The following SYNPR variants were observed in gnomAD, a reference collection of about 807,000 sequenced individuals.
The protein encoded by SYNPR is synaptoporin.
Under a neutral mutation model 32.9 loss-of-function variants are expected in SYNPR, and 23 were observed. That is an observed-to-expected ratio of 0.70 (90% CI 0.50 to 0.99). The LOEUF (loss-of-function observed/expected upper bound fraction) is 0.99, where lower values mean the gene tolerates loss of function less well. SYNPR is among the 50% of genes least tolerant of loss of function. The pLI is 0.00. For synonymous variants in SYNPR, 146 were observed against 135.9 expected, an observed-to-expected ratio of 1.07 and a Z score of -0.52; for missense variants, 318 against 349.3, an observed-to-expected ratio of 0.91 and a Z score of 0.71.
At chr3:63,550,703 T>A (rs567108244) in intron 3 of SYNPR, among the ~76,000 whole-genome samples, 1 of 152,240 alleles carries the variant, frequency 6.6e-6, no homozygotes. Flanking sequence ...ATGCTGATCC[T>A]GGGGTGCAGC....
chr3:63,371,392 A>C (rs1213238222), intron 2 of SYNPR, among the ~76,000 whole-genome samples: 1 of 152,132 alleles, frequency 6.6e-6, no homozygotes, highest in African/African-American at 2.4e-5. Flanking sequence ...GCTCCCTTGC[A>C]CGTCTCCGGG....
At position 63,616,550 on chromosome 3, in the gene SYNPR, A is replaced by C. The variant is rs1700281148; in HGVS notation, c.*1069A>C. ...ATTAAAAATTCTCAAGTCACAGCTA[A>C]ACTTACTAATTCTGATTTTAGTGTA... On this transcript the variant is annotated 3_prime_UTR_variant, in exon 6 of 6. Transcript: ENST00000478300. 1 of 152,634 alleles carries C rather than the reference A, an allele frequency of 6.6e-6. No individual in the cohort carries two copies. Among genetic ancestry groups the C allele is most frequent in the Non-Finnish European group, 1.5e-5 (1 of 68,030 alleles). 9.5% of individuals were successfully genotyped at this position (152,634 alleles called of 1,614,324 possible).
intron 2 of SYNPR, among the ~76,000 whole-genome samples, chr3:63,472,061 G>A (rs1228142751): frequency 2.6e-5 from 4 of 152,206 alleles, no homozygotes; most frequent in East Asian, 1.9e-4. Flanking sequence ...GGCACAGTAC[G>A]TGAGCTACCA....
rs1394422934 is a variant in SYNPR at position 63,389,003 on chromosome 3, G to A, written c.85-91829G>A. On this transcript the variant is annotated intron_variant, in intron 2 of 5. Transcript: ENST00000478300. ...TTTGGACTCTGCATAAGGAGATTTA[G>A]AGTTTTGGCCACATCTGGATTTTAT... is the stretch of plus-strand genomic sequence containing the variant. Among the ~76,000 whole-genome samples, 3 of 152,140 alleles carry A rather than the reference G, an allele frequency of 2.0e-5. No homozygotes were observed. The East Asian group carries it at 5.8e-4, about 29-fold the overall frequency.
chr3:63,248,426 C>A (rs761228033), intron 1 of SYNPR, among the ~76,000 whole-genome samples: 4 of 152,008 alleles, frequency 2.6e-5, no homozygotes, highest in Admixed American at 2.6e-4. Context: ...TGCCTTCTAG[C>A]TGGAAGACAG....
intron 2 of SYNPR, among the ~76,000 whole-genome samples, chr3:63,306,832 G>T (rs2086914832): frequency 6.6e-6 from 1 of 151,928 alleles, no homozygotes; most frequent in Non-Finnish European, 1.5e-5. Context: ...CACATCCATT[G>T]GTCTAGGGAA....
chr3:63,336,457 A>G (rs1482460803), intron 2 of SYNPR, among the ~76,000 whole-genome samples: 1 of 145,196 alleles, frequency 6.9e-6, no homozygotes, highest in Non-Finnish European at 1.5e-5. Context: ...TCTCAATGCA[A>G]TCCAATGGAG....
At chr3:63,330,958 A>G (rs1198282329) in intron 2 of SYNPR, among the ~76,000 whole-genome samples, 1 of 152,196 alleles carries the variant, frequency 6.6e-6, no homozygotes, top group East Asian at 1.9e-4. Context: ...AAAAATTAAC[A>G]GTAAGAGAGA....
At position 63,588,693 on chromosome 3, in the gene SYNPR, A is replaced by T. The variant is rs141894685; in HGVS notation, c.409-20432A>T. Reference sequence around the variant, plus strand: ...TGGAAAGGATGCTATTTTCTATATGACATAGTAATTCATTTAGAAACACTC... The same window carrying T: ...TGGAAAGGATGCTATTTTCTATATGTCATAGTAATTCATTTAGAAACACTC... On this transcript the variant is annotated intron_variant, in intron 4 of 5. Coordinates refer to ENST00000478300, the MANE Select transcript of SYNPR (RefSeq NM_001130003.2). 2.2e-4 allele frequency among the ~76,000 whole-genome samples: 34 copies of T among 152,254 alleles called. No individual in the cohort carries two copies. The East Asian group carries it at 6.4e-3, about 29-fold the overall frequency.
chr3:63,343,206 C>A (rs2087390325), intron 2 of SYNPR, among the ~76,000 whole-genome samples: 1 of 152,186 alleles, frequency 6.6e-6, no homozygotes, highest in South Asian at 2.1e-4. Context: ...CCACGGGATG[C>A]AGTAGCTTTG....
At chr3:63,270,325 G>C (rs1274400273) in intron 3 of SYNPR, among the ~76,000 whole-genome samples, 2 of 152,084 alleles carry the variant, frequency 1.3e-5, no homozygotes, top group East Asian at 3.9e-4. Context: ...ATAGCTCTAA[G>C]ATAAAACAAG....
chr3:63,446,394 C>T (rs1255514084), intron 2 of SYNPR, among the ~76,000 whole-genome samples: 1 of 151,712 alleles, frequency 6.6e-6, no homozygotes, highest in Non-Finnish European at 1.5e-5. Flanking sequence ...AAAAGGAACA[C>T]AGCTGTCAAT....
At chr3:63,279,716 G>A (rs1223162306) in intron 2 of SYNPR, among the ~76,000 whole-genome samples, 1 of 152,242 alleles carries the variant, frequency 6.6e-6, no homozygotes. Flanking sequence ...AATTATGTAA[G>A]AGCCTGTTCT....
intron 2 of SYNPR, among the ~76,000 whole-genome samples, chr3:63,376,276 T>C (rs1289360653): frequency 6.6e-6 from 1 of 152,230 alleles, no homozygotes; most frequent in East Asian, 1.9e-4. Flanking sequence ...TCTACACATA[T>C]GCAAGAATGA....
rs911461839 is a variant in SYNPR, at chr3:63,242,627, A to G, written n.67-9872A>G. Among the ~76,000 whole-genome samples the G allele has an allele frequency of 2.6e-5, 4 of 152,022 alleles. No homozygotes were observed. In the East Asian group the frequency reaches 7.8e-4, roughly 29 times the overall value. ...CAAAGTCACCCAGTAGAGATACTTC[A>G]TATCTCCAAAACCCAGACTACACAC... On this transcript the variant is annotated intron_variant and non_coding_transcript_variant, in intron 1 of 4. Coordinates refer to the SYNPR transcript ENST00000478456.
chr3:63,545,027 G>GAAAAA (rs35822196), intron 3 of SYNPR, among the ~76,000 whole-genome samples: 1 of 146,650 alleles, frequency 6.8e-6, no homozygotes. Context: ...TGATTTAGGG[G>GAAAAA]AAAAAAAAAA....
At chr3:63,463,922 C>T (rs1195466310) in intron 2 of SYNPR, among the ~76,000 whole-genome samples, 4 of 152,084 alleles carry the variant, frequency 2.6e-5, no homozygotes, top group Non-Finnish European at 4.4e-5. Flanking sequence ...GATTCTGCTT[C>T]CTTTCACTTA....
upstream of SYNPR, among the ~76,000 whole-genome samples, chr3:63,226,634 T>C (rs1306790534): frequency 6.6e-6 from 1 of 152,122 alleles, no homozygotes; most frequent in Non-Finnish European, 1.5e-5. Flanking sequence ...CTCACTCATA[T>C]GTGGGAGATA....
intron 3 of SYNPR, among the ~76,000 whole-genome samples, chr3:63,524,319 G>A (rs902054336): frequency 3.9e-5 from 6 of 152,162 alleles, no homozygotes; most frequent in African/African-American, 1.2e-4. Context: ...GCTCCGACAA[G>A]CTATACTTCT....
Sources: gnomAD v4.1 joint callset for allele counts (sites outside exome capture counted in the v4.1 genomes callset) on GRCh38, gnomAD v4.1.1 for gene constraint, MANE v1.5 for transcripts, NCBI Gene and HGNC (gene_info 2026-07-23, HGNC 2026-07-21) for gene names.